Variants in PPP6R3 observed in about 807,000 individuals in gnomAD.
PPP6R3 encodes serine/threonine-protein phosphatase 6 regulatory subunit 3.
Under a neutral mutation model 110.7 loss-of-function variants are expected in PPP6R3, and 38 were observed. The observed-to-expected ratio is 0.34, with a 90% CI of 0.26 to 0.45. The LOEUF is 0.45. Among genes scored for constraint, PPP6R3 ranks in the 20% least tolerant of loss-of-function variants. The probability of loss-of-function intolerance (pLI) is 1.00; values close to 1 mark genes in which losing one functional copy is unlikely to be tolerated. For synonymous variants in PPP6R3, 369 were observed against 373.5 expected, an observed-to-expected ratio of 0.99 and a Z score of 0.14; for missense variants, 870 against 1,062.4, an observed-to-expected ratio of 0.82 and a Z score of 2.52.
intron 1 of PPP6R3, among the ~76,000 whole-genome samples, chr11:68,490,639 T>C (rs1184250795): frequency 6.6e-6 from 1 of 152,058 alleles, no homozygotes; most frequent in Non-Finnish European, 1.5e-5. Flanking sequence ...TTTTTTTTTC[T>C]TTTGTATTTT....
chr11:68,560,807 T>C (rs1289125186), intron 8 of PPP6R3, among the ~76,000 whole-genome samples: 1 of 151,974 alleles, frequency 6.6e-6, no homozygotes, highest in Non-Finnish European at 1.5e-5. Flanking sequence ...CTGCGGTTGC[T>C]CAAGTCTCGT....
intron 1 of PPP6R3, among the ~76,000 whole-genome samples, chr11:68,499,252 G>A (rs777106819): frequency 2.3e-4 from 35 of 152,134 alleles, no homozygotes; most frequent in Admixed American, 2.0e-3. Flanking sequence ...ATGGTTGTCT[G>A]CTTCTGGCTT....
intron 4 of PPP6R3, among the ~76,000 whole-genome samples, chr11:68,546,029 CTG>C (rs1455085182): frequency 2.6e-5 from 4 of 152,184 alleles, no homozygotes; most frequent in Non-Finnish European, 5.9e-5. Context: ...TGTGGAAGGA[CTG>C]GAGCTATTTT....
intron 18 of PPP6R3, among the ~76,000 whole-genome samples, chr11:68,593,347 A>AG (rs1378372371): frequency 1.2e-4 from 18 of 152,192 alleles, no homozygotes. Context: ...CTAATGTATT[A>AG]GTAGTCCATT....
At chr11:68,609,651 G>A (rs1171802113) in intron 22 of PPP6R3, 5 of 1,554,960 alleles carry the variant, frequency 3.2e-6, no homozygotes, top group South Asian at 2.4e-5. Flanking sequence ...TTATGGGACC[G>A]TTCTTTATCA....
chr11:68,551,629 C>T (rs1054936172), intron 6 of PPP6R3, among the ~76,000 whole-genome samples: 2 of 152,170 alleles, frequency 1.3e-5, no homozygotes, highest in Non-Finnish European at 2.9e-5. Context: ...GCTGGGATTA[C>T]AGGTGCCCGC....
Position 68,537,868 on chromosome 11 carries a change from C to T in PPP6R3, c.204C>T (p.Asp68=). The T allele has an allele frequency of 3.1e-6, 5 of 1,611,408 alleles. No homozygotes were observed. Among genetic ancestry groups the T allele is most frequent in the Non-Finnish European group, 4.2e-6 (5 of 1,177,770 alleles). The change falls in exon 3 of 24, where the codon GAC becomes GAT. Residue 68 remains aspartate, a synonymous_variant. Coordinates refer to ENST00000393800, the MANE Select transcript of PPP6R3 (RefSeq NM_001164161.2). Reference sequence around the variant, plus strand: ...TCATTATAGAAGAACCACCTCAAGACATGGATGAAAAGATCAGATACAAGT... The same window carrying T: ...TCATTATAGAAGAACCACCTCAAGATATGGATGAAAAGATCAGATACAAGT... ...VSFIIEEPPQ[D]MDEKIRYKYP...
intron 11 of PPP6R3, among the ~76,000 whole-genome samples, chr11:68,570,492 A>G (rs1366343490): frequency 6.6e-6 from 1 of 152,246 alleles, no homozygotes; most frequent in African/African-American, 2.4e-5. Flanking sequence ...GGAAAGACAA[A>G]TGACACCTGA....
intron 1 of PPP6R3, among the ~76,000 whole-genome samples, chr11:68,464,721 A>C (rs1452713154): frequency 6.6e-6 from 1 of 152,170 alleles, no homozygotes; most frequent in Non-Finnish European, 1.5e-5. Flanking sequence ...TAACCTCATG[A>C]AAATACATTA....
chr11:68,470,340 T>A (rs1349192286), intron 1 of PPP6R3, among the ~76,000 whole-genome samples: 1 of 151,786 alleles, frequency 6.6e-6, no homozygotes, highest in Non-Finnish European at 1.5e-5. Flanking sequence ...GGGGCAGCAT[T>A]ATAGGCGGAG....
intron 2 of PPP6R3, among the ~76,000 whole-genome samples, chr11:68,521,731 T>G (rs1303088781): frequency 6.6e-6 from 1 of 152,234 alleles, no homozygotes; most frequent in Non-Finnish European, 1.5e-5. Context: ...ATGAAGGTAT[T>G]TATATACCAA....
intron 1 of PPP6R3, among the ~76,000 whole-genome samples, chr11:68,490,196 G>C (rs1351506660): frequency 6.6e-6 from 1 of 152,050 alleles, no homozygotes; most frequent in African/African-American, 2.4e-5. Context: ...TACTTTTTCA[G>C]GGTGCAGAAT....
chr11:68,477,117 G>A (rs1183333797), intron 1 of PPP6R3, among the ~76,000 whole-genome samples: 1 of 152,018 alleles, frequency 6.6e-6, no homozygotes, highest in African/African-American at 2.4e-5. Context: ...AGTTTGTGCA[G>A]ATTTTCATCA....
chr11:68,559,643 A>G (rs748008078), intron 8 of PPP6R3, among the ~76,000 whole-genome samples: 1 of 152,146 alleles, frequency 6.6e-6, no homozygotes, highest in Non-Finnish European at 1.5e-5. Context: ...TTTGGTCAAT[A>G]CTAATGGAAG....
chr11:68,608,821 A>G (rs928759431), intron 22 of PPP6R3, among the ~76,000 whole-genome samples: 3 of 152,220 alleles, frequency 2.0e-5, no homozygotes, highest in Non-Finnish European at 4.4e-5. Flanking sequence ...ACTATTTTTT[A>G]AAGAATTAGA....
intron 1 of PPP6R3, among the ~76,000 whole-genome samples, chr11:68,472,639 CATT>C (rs976527277): frequency 2.0e-5 from 3 of 150,114 alleles, no homozygotes; most frequent in African/African-American, 7.4e-5. Flanking sequence ...TTAATGACAA[CATT>C]ATTGAGAAGT....
rs1373986024 is a variant in PPP6R3 at position 68,509,135 on chromosome 11, CTT to C, written c.-157-10364_-157-10363del. Among the ~76,000 whole-genome samples, 67 of 152,326 alleles carry C rather than the reference CTT, an allele frequency of 4.4e-4. 1 individual carries two copies. Among genetic ancestry groups the C allele is most frequent in the Non-Finnish European group, 4.0e-4 (27 of 68,028 alleles). On this transcript the variant is annotated intron_variant, in intron 1 of 23. Transcript: ENST00000393800. ...AACCGTGTCCTTTTCTCACCCTGTC[CTT>C]TGATTATGATGTAAATAGAAATTAA...
At chr11:68,582,894 C>T (rs1029273870) in intron 14 of PPP6R3, 149 bp from the exon 15 acceptor site, 29 of 628,558 alleles carry the variant, frequency 4.6e-5, no homozygotes, top group Admixed American at 3.0e-4. Context: ...ACACATTGGG[C>T]GGGTTTGGCA....
rs1225989372 is a variant in PPP6R3 at position 68,544,913 on chromosome 11, C to G, written c.303C>G (p.Ser101=). The G allele has an allele frequency of 6.2e-7, 1 of 1,606,154 alleles. No individual in the cohort carries two copies. The change falls in exon 4 of 24, where the codon TCC becomes TCG. Residue 101 remains serine, a synonymous_variant. Transcript: ENST00000393800. ...QMNDRLGEDE[S]LLMKLYSFLL... ...ATGATAGACTGGGAGAAGATGAATC[C>G]TTGCTAATGAAATTATATAGCTTCC...
Sources: gnomAD v4.1 joint callset for allele counts (sites outside exome capture counted in the v4.1 genomes callset) on GRCh38, gnomAD v4.1.1 for gene constraint, MANE v1.5 for transcripts, NCBI Gene and HGNC (gene_info 2026-07-23, HGNC 2026-07-21) for gene names.